PLEKHA8: variants seen among roughly 807,000 people sequenced by gnomAD.
The protein encoded by PLEKHA8 is pleckstrin homology domain-containing family A member 8.
PLEKHA8 carries 36 observed loss-of-function variants against 68.2 expected under a neutral mutation model. The ratio of observed to expected loss-of-function variants is 0.53; its 90% CI spans 0.40 to 0.70. The LOEUF is 0.70. Ranked by LOEUF, PLEKHA8 falls within the 30% of genes least tolerant of loss-of-function variation. The probability of loss-of-function intolerance (pLI) is 0.00; values close to 1 mark genes in which losing one functional copy is unlikely to be tolerated. For missense variants in PLEKHA8, 505 were observed against 615.4 expected (o/e 0.82, Z 1.90); for synonymous variants, 211 against 216.1 (o/e 0.98, Z 0.20).
chr7:30,088,844 G>T (rs117159690), downstream of PLEKHA8, among the ~76,000 whole-genome samples: 2,856 of 145,796 alleles, frequency 0.02, 44 homozygotes, highest in East Asian at 0.044. Context: ...GTTTTGGAAA[G>T]AAGTTAATTG....
chr7:30,086,591 G>A (rs1795192037), downstream of PLEKHA8, among the ~76,000 whole-genome samples: 1 of 152,088 alleles, frequency 6.6e-6, no homozygotes, highest in Non-Finnish European at 1.5e-5. Context: ...AAGGAGAACA[G>A]AGTGTGGCTG....
intron 9 of PLEKHA8, among the ~76,000 whole-genome samples, chr7:30,058,727 C>T (rs1034201621): frequency 6.6e-6 from 1 of 151,942 alleles, no homozygotes; most frequent in Non-Finnish European, 1.5e-5. Flanking sequence ...AAATTCTAGG[C>T]CTTTTGATAA....
chr7:30,037,667 T>G (rs1791202025), intron 1 of PLEKHA8, among the ~76,000 whole-genome samples: 1 of 152,170 alleles, frequency 6.6e-6, no homozygotes, highest in South Asian at 2.1e-4. Flanking sequence ...TTATTGTTAA[T>G]GAAAAAGCAC....
chr7:30,038,096 A>G (rs1015020701), intron 1 of PLEKHA8, among the ~76,000 whole-genome samples: 4 of 152,226 alleles, frequency 2.6e-5, no homozygotes, highest in African/African-American at 9.6e-5. Context: ...ACTTAAAGGC[A>G]GAATGATACA....
chr7:30,044,509 A>G (rs1791795599), intron 1 of PLEKHA8, among the ~76,000 whole-genome samples: 1 of 152,368 alleles, frequency 6.6e-6, no homozygotes, highest in Non-Finnish European at 1.5e-5. Flanking sequence ...ACTCATTTCA[A>G]TGGATCAATA....
intron 13 of PLEKHA8, among the ~76,000 whole-genome samples, chr7:30,109,586 C>CAA (rs1166200858): frequency 0.031 from 1,286 of 41,422 alleles, 203 homozygotes; most frequent in Non-Finnish European, 0.04. Flanking sequence ...AACTCTGTCT[C>CAA]AAAAAAAAAA....
At chr7:30,061,502 T>C (rs1793434614) in intron 10 of PLEKHA8, among the ~76,000 whole-genome samples, 1 of 152,200 alleles carries the variant, frequency 6.6e-6, no homozygotes, top group African/African-American at 2.4e-5. Flanking sequence ...GAGACTAGTC[T>C]TTGAGGAAGC....
At chr7:30,030,412 C>G (rs1790573027) in intron 1 of PLEKHA8, among the ~76,000 whole-genome samples, 1 of 152,042 alleles carries the variant, frequency 6.6e-6, no homozygotes, top group South Asian at 2.1e-4. Context: ...GCTGACTGTC[C>G]TTGTGTATCC....
chr7:30,060,068 C>T (rs57770170), intron 9 of PLEKHA8, among the ~76,000 whole-genome samples: 25,460 of 151,556 alleles, frequency 0.17, 2,147 homozygotes, highest in Middle Eastern at 0.22. Context: ...ACCAGGGAGT[C>T]GGAGGTTGCA....
intron 12 of PLEKHA8, among the ~76,000 whole-genome samples, chr7:30,067,054 G>A (rs916825587): frequency 3.3e-5 from 5 of 152,340 alleles, no homozygotes; most frequent in East Asian, 1.9e-4. Context: ...CAGCACAAGC[G>A]TTAGTCTTAA....
At chr7:30,056,132 A>G (rs1044367388) in intron 9 of PLEKHA8, among the ~76,000 whole-genome samples, 4 of 149,996 alleles carry the variant, frequency 2.7e-5, no homozygotes, top group Non-Finnish European at 5.9e-5. Context: ...TTTAGTAGAG[A>G]CAGGGTTTCA....
In PLEKHA8 at chr7:30,113,725, T is replaced by G. The variant is rs1053855445; in HGVS notation, c.1363-15541T>G. Among the ~76,000 whole-genome samples the G allele has an allele frequency of 2.0e-5, 3 of 152,172 alleles. No homozygotes were observed. In the South Asian group the frequency reaches 6.2e-4, roughly 31 times the overall value. On this transcript the variant is annotated intron_variant, in intron 13 of 13. Transcript: ENST00000396257. The stretch of plus-strand genomic sequence containing the variant: ...ATTGGACTATCTCATTCCTTAGGCC[T>G]CATAACCTCCTTTTAACATTTTCCA...
At chr7:30,030,099 A>G (rs1233671854) in intron 1 of PLEKHA8, among the ~76,000 whole-genome samples, 1 of 152,220 alleles carries the variant, frequency 6.6e-6, no homozygotes, top group Non-Finnish European at 1.5e-5. Context: ...GCTGATCAAC[A>G]CTGCTAACCT....
Position 30,079,602 on chromosome 7 carries a change from GT to G in PLEKHA8, c.*818del. The G allele has an allele frequency of 1.3e-6, 1 of 766,072 alleles. No individual in the cohort carries two copies. The highest frequency in any genetic ancestry group is 1.6e-6 in the Non-Finnish European group (1 of 630,100). 47.5% of individuals were successfully genotyped at this position (766,072 alleles called of 1,614,324 possible). Reference sequence around the variant, plus strand: ...ATTATTACTCCACTTCAAAAGCAAGGTTTAGAAGTTGAGGGATCTGTTCACA... The same window carrying G: ...ATTATTACTCCACTTCAAAAGCAAGGTTAGAAGTTGAGGGATCTGTTCACA... On this transcript the variant is annotated 3_prime_UTR_variant, in exon 14 of 14. Coordinates refer to ENST00000449726, the MANE Select transcript of PLEKHA8 (RefSeq NM_001197026.2).
intron 1 of PLEKHA8, among the ~76,000 whole-genome samples, chr7:30,043,420 T>A (rs1467201100): frequency 6.6e-6 from 1 of 152,144 alleles, no homozygotes; most frequent in Non-Finnish European, 1.5e-5. Context: ...AGGGTCTAGG[T>A]CTCTGGGAAG....
At chr7:30,062,799 T>TA in intron 12 of PLEKHA8, 57 bp downstream of exon 12, 1 of 1,317,826 alleles carries the variant, frequency 7.6e-7, no homozygotes, top group Admixed American at 1.8e-5. Context: ...TGGAGACCCC[T>TA]AGAGGAGGAT....
chr7:30,054,881 T>C lies in PLEKHA8; in HGVS notation c.953+16T>C, dbSNP rs1262115585. ...TGAACACAAGGTATTCTAGACTCTT[T>C]AATATCACTGATGCTTGGATACTAA... On this transcript the variant is annotated intron_variant, in intron 8 of 13. Transcript: ENST00000449726. 1.9e-6 allele frequency: 3 copies of C among 1,579,584 alleles called. No homozygotes were observed. Among genetic ancestry groups the C allele is most frequent in the Non-Finnish European group, 1.7e-6 (2 of 1,160,374 alleles).
chr7:30,039,782 T>A (rs1304528321), intron 1 of PLEKHA8, among the ~76,000 whole-genome samples: 2 of 152,212 alleles, frequency 1.3e-5, no homozygotes, highest in Non-Finnish European at 2.9e-5. Flanking sequence ...CTAGGTTTGC[T>A]TCTTTCTTTC....
At chr7:30,063,294 G>A (rs1206345492) in intron 12 of PLEKHA8, among the ~76,000 whole-genome samples, 1 of 152,216 alleles carries the variant, frequency 6.6e-6, no homozygotes, top group Non-Finnish European at 1.5e-5. Context: ...TTAAAGTAGT[G>A]ACTGCAACAT....
Sources: gnomAD v4.1 joint callset for allele counts (sites outside exome capture counted in the v4.1 genomes callset) on GRCh38, gnomAD v4.1.1 for gene constraint, MANE v1.5 for transcripts, NCBI Gene and HGNC (gene_info 2026-07-23, HGNC 2026-07-21) for gene names.